NAV3: variants seen among roughly 807,000 people sequenced by gnomAD.
NAV3 encodes the protein neuron navigator 3.
In NAV3, 87 loss-of-function variants were observed where a neutral mutation model predicts 244.7. That is an observed-to-expected ratio of 0.36 (90% CI 0.30 to 0.42). NAV3 has a LOEUF of 0.42. Among genes scored for constraint, NAV3 ranks in the 20% least tolerant of loss-of-function variants. The pLI is 1.00. For synonymous variants in NAV3, 1,126 were observed against 1,042.2 expected (o/e 1.08, Z -1.55); for missense variants, 2,663 against 2,893.3 (o/e 0.92, Z 1.83).
chr12:77,899,723 G>T (rs1012340545), intron 1 of NAV3, among the ~76,000 whole-genome samples: 2 of 152,162 alleles, frequency 1.3e-5, no homozygotes, highest in Non-Finnish European at 2.9e-5. Context: ...ATAATAAAAT[G>T]AGGCATATTT....
chr12:78,047,903 T>C (rs935370020), intron 9 of NAV3, among the ~76,000 whole-genome samples: 11 of 152,186 alleles, frequency 7.2e-5, no homozygotes, highest in African/African-American at 2.4e-4. Flanking sequence ...GCTTTGTTTG[T>C]TCCTTTTCAT....
chr12:78,008,854 AG>A (rs1244899918), intron 8 of NAV3, among the ~76,000 whole-genome samples: 2 of 152,198 alleles, frequency 1.3e-5, no homozygotes, highest in Non-Finnish European at 2.9e-5. Flanking sequence ...TTCTGACTCC[AG>A]GGTCCCTGTT....
intron 1 of NAV3, among the ~76,000 whole-genome samples, chr12:77,915,330 T>C (rs890917471): frequency 3.3e-5 from 5 of 152,042 alleles, no homozygotes; most frequent in Non-Finnish European, 7.4e-5. Context: ...ACCTAACATT[T>C]ATATAATGGT....
intron 16 of NAV3, among the ~76,000 whole-genome samples, chr12:78,126,237 G>A (rs998189083): frequency 6.6e-6 from 1 of 152,128 alleles, no homozygotes; most frequent in Admixed American, 6.5e-5. Flanking sequence ...GCTTTGGTTT[G>A]AGTGATCAAA....
In NAV3 at chr12:78,204,916, A is replaced by G; in HGVS notation, c.6835-19A>G. ...GAAATGCATTTTATATATATCCTAA[A>G]CGCGTGGTCAACTTTTAGATGTATG... On this transcript the variant is annotated intron_variant, in intron 38 of 39. Transcript: ENST00000397909. 14 of 1,611,670 alleles carry G rather than the reference A, an allele frequency of 8.7e-6. No homozygotes were observed. Among genetic ancestry groups the G allele is most frequent in the Non-Finnish European group, 1.2e-5 (14 of 1,178,514 alleles).
At chr12:77,985,677 T>A (rs2136303957) in intron 5 of NAV3, among the ~76,000 whole-genome samples, 1 of 152,300 alleles carries the variant, frequency 6.6e-6, no homozygotes, top group East Asian at 1.9e-4. Flanking sequence ...GTAACTTTAT[T>A]GTACGTAGAA....
chr12:77,648,327 A>C (rs1872688135), intron 2 of NAV3, among the ~76,000 whole-genome samples: 1 of 152,036 alleles, frequency 6.6e-6, no homozygotes, highest in African/African-American at 2.4e-5. Context: ...ACACAGAGAC[A>C]CCCTTAATTT....
At chr12:78,195,581 C>A (rs1959165601) in intron 34 of NAV3, among the ~76,000 whole-genome samples, 1 of 151,982 alleles carries the variant, frequency 6.6e-6, no homozygotes, top group Admixed American at 6.6e-5. Flanking sequence ...ATCCCTGGTG[C>A]CAGCAGGATG....
intron 12 of NAV3, among the ~76,000 whole-genome samples, chr12:78,082,940 C>T (rs1036592207): frequency 2.0e-5 from 3 of 152,166 alleles, no homozygotes; most frequent in Non-Finnish European, 4.4e-5. Flanking sequence ...GGTTAAATGT[C>T]TACTTTCATC....
chr12:77,940,512 C>T (rs186355969), intron 2 of NAV3, 76 bp downstream of exon 2: 10 of 1,120,424 alleles, frequency 8.9e-6, no homozygotes, highest in East Asian at 2.4e-5. Context: ...TTAAGTTAAG[C>T]GCCTTACTGA....
intron 29 of NAV3, among the ~76,000 whole-genome samples, chr12:78,179,901 G>A (rs1275369863): frequency 6.6e-6 from 1 of 152,112 alleles, no homozygotes; most frequent in African/African-American, 2.4e-5. Context: ...TTGTATTCAA[G>A]AACCATTCAG....
chr12:78,174,517 GTTTGC>G (rs1170700719), intron 24 of NAV3, among the ~76,000 whole-genome samples: 2 of 151,852 alleles, frequency 1.3e-5, no homozygotes, highest in African/African-American at 4.8e-5. Flanking sequence ...CATTTCAGTA[GTTTGC>G]TTTAAGAATA....
In NAV3 at chr12:77,591,118, T is replaced by C. The variant is rs115904327; in HGVS notation, c.72+18852T>C. Among the ~76,000 whole-genome samples, 1,031 of 152,296 alleles carry C rather than the reference T, an allele frequency of 6.8e-3. 8 individuals are homozygous for C. The highest frequency in any genetic ancestry group is 0.023 in the African/African-American group (965 of 41,568). On this transcript the variant is annotated intron_variant, in intron 2 of 8. Coordinates refer to the NAV3 transcript ENST00000550042. ...TTGGGAGAAAATAAAATATATGAGA[T>C]AAAAACTGCTTCCTTTTGTGTATTT... is the stretch of plus-strand genomic sequence containing the variant.
At chr12:78,046,713 T>G (rs1201275858) in intron 9 of NAV3, among the ~76,000 whole-genome samples, 1 of 152,192 alleles carries the variant, frequency 6.6e-6, no homozygotes, top group Non-Finnish European at 1.5e-5. Flanking sequence ...TTCTGTTTAT[T>G]TGGGGTGGAG....
rs574664900 is a variant in NAV3 at position 78,131,910 on chromosome 12, A to G, written c.4441+3044A>G. On this transcript the variant is annotated intron_variant, in intron 18 of 39. Transcript: ENST00000397909. ...CATCAGATATGCCTGAGCTTTGTCT[A>G]CATTTAATTGAGTAGTAATTCGCAA... is the stretch of plus-strand genomic sequence containing the variant. Among the ~76,000 whole-genome samples the G allele has an allele frequency of 4.9e-4, 75 of 152,294 alleles. 1 individual carries two copies. The highest frequency in any genetic ancestry group is 9.0e-4 in the Non-Finnish European group (61 of 68,004).
intron 34 of NAV3, among the ~76,000 whole-genome samples, chr12:78,194,887 A>G (rs909558614): frequency 6.6e-5 from 10 of 152,136 alleles, no homozygotes; most frequent in African/African-American, 2.4e-4. Context: ...ATAGCAAATC[A>G]TACTGCCACC....
intron 1 of NAV3, among the ~76,000 whole-genome samples, chr12:77,918,944 T>C (rs1228230351): frequency 2.0e-5 from 3 of 152,044 alleles, no homozygotes; most frequent in Non-Finnish European, 4.4e-5. Context: ...TATATCATTA[T>C]AGGAAGAGTA....
chr12:77,702,816 A>T (rs1206360234), intron 2 of NAV3, among the ~76,000 whole-genome samples: 1 of 114,152 alleles, frequency 8.8e-6, no homozygotes, highest in South Asian at 3.0e-4. Context: ...AGTTAATAGA[A>T]GAAAAATAGA....
intron 2 of NAV3, among the ~76,000 whole-genome samples, chr12:77,705,593 T>C (rs1875758637): frequency 6.6e-6 from 1 of 151,472 alleles, no homozygotes; most frequent in African/African-American, 2.4e-5. Context: ...AGGCACACTT[T>C]CGAGAAAAGG....
Sources: gnomAD v4.1 joint callset for allele counts (sites outside exome capture counted in the v4.1 genomes callset) on GRCh38, gnomAD v4.1.1 for gene constraint, MANE v1.5 for transcripts, NCBI Gene and HGNC (gene_info 2026-07-23, HGNC 2026-07-21) for gene names.